CMC1: variants seen among roughly 807,000 people sequenced by gnomAD.
The protein encoded by CMC1 is COX assembly mitochondrial protein homolog.
CMC1 carries 14 observed loss-of-function variants against 14.1 expected under a neutral mutation model. That is an observed-to-expected ratio of 0.99 (90% CI 0.66 to 1.55). CMC1 has a LOEUF of 1.55. CMC1 is among the 40% of genes most tolerant of loss of function. The pLI, the probability that CMC1 is intolerant of heterozygous loss-of-function variation, is 0.00. For missense variants in CMC1, 127 were observed against 123.8 expected (o/e 1.03, Z -0.12); for synonymous variants, 50 against 38.4 (o/e 1.30, Z -1.12).
chr3:28,283,387 C>T (rs1411488733), intron 2 of CMC1, among the ~76,000 whole-genome samples: 1 of 151,656 alleles, frequency 6.6e-6, no homozygotes, highest in Non-Finnish European at 1.5e-5. Flanking sequence ...GGTGTCATGG[C>T]GCATGCCTGT....
rs1703273834 is a variant in CMC1, at chr3:28,323,853, G to A, written c.*4224G>A. The A allele has an allele frequency of 1.9e-6, 1 of 530,868 alleles. No homozygotes were observed. Among genetic ancestry groups the A allele is most frequent in the South Asian group, 3.2e-5 (1 of 31,276 alleles). 32.9% of individuals were successfully genotyped at this position (530,868 alleles called of 1,614,324 possible). The stretch of plus-strand genomic sequence containing the variant: ...AGATTCTTAGAATATGGAGCTAGAG[G>A]GTGCTCTTTCATACTAGAAAACCAA... On this transcript the variant is annotated 3_prime_UTR_variant, in exon 4 of 4. Coordinates refer to ENST00000466830, the MANE Select transcript of CMC1 (RefSeq NM_182523.2).
At chr3:28,283,551 C>CAAAAAAAA (rs5847510) in intron 2 of CMC1, among the ~76,000 whole-genome samples, 10 of 118,226 alleles carry the variant, frequency 8.5e-5, no homozygotes, top group East Asian at 2.8e-4. Context: ...ACAACAAAAA[C>CAAAAAAAA]AAAAAAAAAA....
Position 28,323,136 on chromosome 3 carries a change from A to G in CMC1, c.*3507A>G, listed in dbSNP as rs920219377. Reference sequence around the variant, plus strand: ...TAAATAGAATATTACATTTCAACACAAAGTCTAACAATTTAGAAGCTGCTC... The same window carrying G: ...TAAATAGAATATTACATTTCAACACGAAGTCTAACAATTTAGAAGCTGCTC... On this transcript the variant is annotated 3_prime_UTR_variant, in exon 4 of 4. Coordinates refer to ENST00000466830, the MANE Select transcript of CMC1 (RefSeq NM_182523.2). 6.6e-6 allele frequency: 1 copy of G among 150,828 alleles called. No homozygotes were observed. Among genetic ancestry groups the G allele is most frequent in the African/African-American group, 2.4e-5 (1 of 41,192 alleles). 9.3% of individuals were successfully genotyped at this position (150,828 alleles called of 1,614,324 possible). A position where few individuals can be genotyped will look rare whatever the true frequency, so the allele number is the denominator to read the frequency against.
In CMC1 at chr3:28,319,677, T is replaced by C; in HGVS notation, c.*48T>C. On this transcript the variant is annotated 3_prime_UTR_variant, in exon 4 of 4. Coordinates refer to ENST00000466830, the MANE Select transcript of CMC1 (RefSeq NM_182523.2). Reference sequence around the variant, plus strand: ...GGAACTCTAATATTCATGGAAGTCATTTTATAGTCCTTAAATAATGGACTC... The same window carrying C: ...GGAACTCTAATATTCATGGAAGTCACTTTATAGTCCTTAAATAATGGACTC... 6.6e-7 allele frequency: 1 copy of C among 1,515,112 alleles called. No individual in the cohort carries two copies. The highest frequency in any genetic ancestry group is 8.9e-7 in the Non-Finnish European group (1 of 1,120,112). The allele number at this position is 1,515,112 out of a possible 1,614,324, so 93.9% of individuals were successfully genotyped here.
At chr3:28,268,577 GT>G (rs1700121273) in intron 2 of CMC1, among the ~76,000 whole-genome samples, 2 of 152,180 alleles carry the variant, frequency 1.3e-5, no homozygotes, top group African/African-American at 4.8e-5. Flanking sequence ...TGTACAAACA[GT>G]TTGGGCACAG....
chr3:28,291,332 C>G (rs1657019010), intron 2 of CMC1, among the ~76,000 whole-genome samples: 1 of 152,072 alleles, frequency 6.6e-6, no homozygotes, highest in Non-Finnish European at 1.5e-5. Flanking sequence ...TAGTTGCCTA[C>G]CATGCCTTGG....
Position 28,298,492 on chromosome 3 carries a change from A to G in CMC1, c.110-17841A>G, listed in dbSNP as rs537504121. The G allele has an allele frequency of 4.7e-5, 7 of 149,478 alleles. No homozygotes were observed. The East Asian group carries it at 9.7e-4, about 21-fold the overall frequency. 9.3% of individuals were successfully genotyped at this position (149,478 alleles called of 1,614,324 possible). ...AGTATACATATTACATATATAAAAT[A>G]TAGTATGCAATGTTAGTACATACTA... On this transcript the variant is annotated intron_variant, in intron 2 of 3. Transcript: ENST00000466830.
At chr3:28,295,415 G>A (rs1191688339) in intron 2 of CMC1, among the ~76,000 whole-genome samples, 2 of 151,814 alleles carry the variant, frequency 1.3e-5, no homozygotes, top group African/African-American at 4.8e-5. Context: ...CTTCAGTATC[G>A]GTATCACATC....
chr3:28,310,117 A>G (rs1444244064), intron 2 of CMC1, among the ~76,000 whole-genome samples: 1 of 152,292 alleles, frequency 6.6e-6, no homozygotes, highest in East Asian at 1.9e-4. Context: ...TGCTAACACA[A>G]CACAGTGTAC....
intron 2 of CMC1, among the ~76,000 whole-genome samples, chr3:28,267,604 G>T (rs1022612385): frequency 6.6e-6 from 1 of 152,140 alleles, no homozygotes. Context: ...ATTACATAAA[G>T]TACAAGGAAG....
intron 2 of CMC1, among the ~76,000 whole-genome samples, chr3:28,295,221 A>G (rs1166164733): frequency 6.6e-6 from 1 of 152,160 alleles, no homozygotes; most frequent in East Asian, 1.9e-4. Flanking sequence ...TGATTCCCAC[A>G]AGAGTAACTT....
intron 2 of CMC1, among the ~76,000 whole-genome samples, chr3:28,279,524 C>T (rs767786556): frequency 6.6e-6 from 1 of 150,928 alleles, no homozygotes; most frequent in Non-Finnish European, 1.5e-5. Context: ...TATTAGCAGA[C>T]AAGAATCTTA....
intron 1 of CMC1, among the ~76,000 whole-genome samples, chr3:28,259,546 G>GT (rs552544220): frequency 1.9e-3 from 293 of 152,226 alleles, no homozygotes; most frequent in Non-Finnish European, 3.4e-3. Flanking sequence ...ACTAATCTTA[G>GT]TCGAATTTCA....
chr3:28,262,996 A>T (rs906837492), intron 1 of CMC1: 3 of 263,776 alleles, frequency 1.1e-5, no homozygotes, highest in Non-Finnish European at 2.1e-5. Flanking sequence ...AATGATTTAG[A>T]TGCCAACTTT....
chr3:28,311,056 C>T (rs1489570116), intron 2 of CMC1, among the ~76,000 whole-genome samples: 5 of 152,144 alleles, frequency 3.3e-5, no homozygotes, highest in African/African-American at 4.8e-5. Flanking sequence ...GTCTGCAGTC[C>T]GGGATTTGGG....
chr3:28,260,496 T>G (rs1036095657), intron 1 of CMC1, among the ~76,000 whole-genome samples: 1 of 152,126 alleles, frequency 6.6e-6, no homozygotes, highest in Non-Finnish European at 1.5e-5. Context: ...GACCTTAGTC[T>G]GGCTAGTGGT....
chr3:28,243,457 T>G (rs1698641678), intron 1 of CMC1, among the ~76,000 whole-genome samples: 1 of 152,186 alleles, frequency 6.6e-6, no homozygotes, highest in Admixed American at 6.5e-5. Flanking sequence ...TATCTACACT[T>G]TTTGAATTTA....
intron 2 of CMC1, among the ~76,000 whole-genome samples, chr3:28,310,565 G>A (rs758010884): frequency 7.3e-5 from 11 of 151,724 alleles, no homozygotes; most frequent in Non-Finnish European, 1.5e-4. Context: ...TTTCTTTTTC[G>A]TTCTACTTTG....
intron 2 of CMC1, among the ~76,000 whole-genome samples, chr3:28,308,278 AAAAAG>A (rs768402695): frequency 2.6e-5 from 4 of 152,206 alleles, no homozygotes; most frequent in Admixed American, 6.5e-5. Flanking sequence ...GCTTTAAAAA[AAAAAG>A]AAAAGAAAAA....
Sources: gnomAD v4.1 joint callset for allele counts (sites outside exome capture counted in the v4.1 genomes callset) on GRCh38, gnomAD v4.1.1 for gene constraint, MANE v1.5 for transcripts, NCBI Gene and HGNC (gene_info 2026-07-23, HGNC 2026-07-21) for gene names.